Variants in PCDH15 observed in about 807,000 individuals in gnomAD.
The protein encoded by PCDH15 is protocadherin-15.
PCDH15 carries 129 observed loss-of-function variants against 178.5 expected under a neutral mutation model. The ratio of observed to expected loss-of-function variants is 0.72; its 90% CI spans 0.63 to 0.84. PCDH15 has a LOEUF of 0.84. PCDH15 is among the 40% of genes least tolerant of loss of function. PCDH15 has a pLI of 0.00. For missense variants in PCDH15, 2,230 were observed against 2,099.9 expected (o/e 1.06, Z -1.21); for synonymous variants, 800 against 732.0 (o/e 1.09, Z -1.50).
intron 2 of PCDH15, among the ~76,000 whole-genome samples, chr10:55,589,171 G>C (rs10825552): frequency 0.31 from 47,370 of 151,568 alleles, 7,907 homozygotes; most frequent in East Asian, 0.49. Context: ...TTTTCTTCTA[G>C]GGTTTTTATG....
intron 2 of PCDH15, chr10:55,513,348 G>C (rs16907508): frequency 6.6e-6 from 1 of 152,044 alleles, no homozygotes; most frequent in African/African-American, 2.4e-5. Context: ...GTTTTGCTCT[G>C]TCTGAAACTT....
intron 8 of PCDH15, among the ~76,000 whole-genome samples, chr10:54,291,564 T>C (rs1281081843): frequency 5.3e-5 from 8 of 151,996 alleles, no homozygotes; most frequent in African/African-American, 1.2e-4. Context: ...ACAAAATTGA[T>C]AGACCTTTAG....
chr10:54,936,615 CT>C (rs1265588591), intron 2 of PCDH15, among the ~76,000 whole-genome samples: 2 of 151,700 alleles, frequency 1.3e-5, no homozygotes, highest in African/African-American at 2.4e-5. Context: ...ATTTAATTTT[CT>C]CTTCACAAAT....
intron 1 of PCDH15, among the ~76,000 whole-genome samples, chr10:54,704,578 G>A (rs139989032): frequency 1.2e-4 from 19 of 152,134 alleles, no homozygotes; most frequent in Non-Finnish European, 2.2e-4. Flanking sequence ...TGTGAAAAAC[G>A]CTCATTATCA....
intron 1 of PCDH15, among the ~76,000 whole-genome samples, chr10:55,318,232 GA>G (rs1843781664): frequency 6.6e-6 from 1 of 152,112 alleles, no homozygotes; most frequent in African/African-American, 2.4e-5. Context: ...GAGAGAGAGA[GA>G]GGGAGAGAGA....
intron 2 of PCDH15, among the ~76,000 whole-genome samples, chr10:55,432,280 G>T (rs1838900289): frequency 6.6e-6 from 1 of 152,216 alleles, no homozygotes; most frequent in South Asian, 2.1e-4. Context: ...TTTGAAAAAT[G>T]AGGCTGGTGT....
At chr10:55,016,021 A>G (rs1564717981) in intron 2 of PCDH15, among the ~76,000 whole-genome samples, 1 of 150,720 alleles carries the variant, frequency 6.6e-6, no homozygotes. Flanking sequence ...AACATTCTAC[A>G]AGGTTCCTTA....
rs541387565 is a variant in PCDH15, at chr10:55,170,318, A to T, written c.-155-3667T>A. ...ATGTATGCCACCATATTGGCTATTT[A>T]AAAAAAAAAATTGCAGAGACAAGTC... On this transcript the variant is annotated intron_variant, in intron 1 of 5. Transcript: ENST00000458638. 6.9e-5 allele frequency among the ~76,000 whole-genome samples: 10 copies of T among 145,106 alleles called. No individual in the cohort carries two copies. The South Asian group carries it at 1.5e-3, about 22-fold the overall frequency.
intron 2 of PCDH15, among the ~76,000 whole-genome samples, chr10:55,493,324 G>A (rs939332211): frequency 6.6e-6 from 1 of 151,492 alleles, no homozygotes; most frequent in Non-Finnish European, 1.5e-5. Flanking sequence ...GGGAGGACAA[G>A]GTGGGTGGAT....
At chr10:54,627,939 A>G (rs1196177874) in intron 2 of PCDH15, among the ~76,000 whole-genome samples, 1 of 152,214 alleles carries the variant, frequency 6.6e-6, no homozygotes, top group Non-Finnish European at 1.5e-5. Flanking sequence ...AAGAAACTTA[A>G]TAATAACTAA....
intron 2 of PCDH15, among the ~76,000 whole-genome samples, chr10:55,067,902 T>C (rs1841608646): frequency 6.6e-6 from 1 of 152,056 alleles, no homozygotes; most frequent in Non-Finnish European, 1.5e-5. Flanking sequence ...TTGAGAAATG[T>C]TTATTCGTGT....
At chr10:55,150,445 T>C (rs1237191518) in intron 2 of PCDH15, among the ~76,000 whole-genome samples, 1 of 152,108 alleles carries the variant, frequency 6.6e-6, no homozygotes. Flanking sequence ...AAGTCCAAAA[T>C]AGAGAAATAG....
At chr10:55,357,430 A>G (rs938658357) in intron 2 of PCDH15, among the ~76,000 whole-genome samples, 2 of 151,968 alleles carry the variant, frequency 1.3e-5, no homozygotes, top group Non-Finnish European at 1.5e-5. Context: ...GAAACTTTCA[A>G]TAGAAGGAAG....
intron 26 of PCDH15, among the ~76,000 whole-genome samples, chr10:53,888,383 G>A (rs1219278216): frequency 1.0e-5 from 1 of 98,694 alleles, no homozygotes; most frequent in Non-Finnish European, 2.0e-5. Flanking sequence ...TTCCATATCA[G>A]TTGTTTGGGG....
chr10:55,406,875 A>G (rs750764225), intron 2 of PCDH15, among the ~76,000 whole-genome samples: 2 of 152,258 alleles, frequency 1.3e-5, no homozygotes, highest in African/African-American at 2.4e-5. Context: ...AAGAGACTCC[A>G]GTAAAACAGA....
intron 25 of PCDH15, among the ~76,000 whole-genome samples, chr10:53,912,674 G>A (rs2083197902): frequency 6.6e-6 from 1 of 152,154 alleles, no homozygotes; most frequent in African/African-American, 2.4e-5. Context: ...CAAATCATGA[G>A]TGAACTTCCA....
intron 3 of PCDH15, among the ~76,000 whole-genome samples, chr10:54,834,163 A>G (rs1953273063): frequency 6.6e-6 from 1 of 151,944 alleles, no homozygotes; most frequent in Admixed American, 6.6e-5. Context: ...CCTATCAAAT[A>G]GTAAAATATA....
intron 33 of PCDH15, 89 bp from the exon 34 acceptor site, chr10:53,818,102 T>C (rs990588560): frequency 2.5e-6 from 1 of 395,960 alleles, no homozygotes; most frequent in Non-Finnish European, 4.5e-6. Context: ...CTTTAAAAAA[T>C]GTCTGAGTAA....
At chr10:55,205,547 A>G (rs1840374202) in intron 1 of PCDH15, among the ~76,000 whole-genome samples, 1 of 152,058 alleles carries the variant, frequency 6.6e-6, no homozygotes, top group South Asian at 2.1e-4. Flanking sequence ...CAATTTTTAT[A>G]TAATCCAATA....
Sources: gnomAD v4.1 joint callset for allele counts (sites outside exome capture counted in the v4.1 genomes callset) on GRCh38, gnomAD v4.1.1 for gene constraint, MANE v1.5 for transcripts, NCBI Gene and HGNC (gene_info 2026-07-23, HGNC 2026-07-21) for gene names.